The following MED12L variants were observed in gnomAD, a reference collection of about 807,000 sequenced individuals.
MED12L encodes mediator of RNA polymerase II transcription subunit 12-like protein.
A neutral mutation model predicts 281.3 loss-of-function variants in MED12L; 60 were observed. That is an observed-to-expected ratio of 0.21 (90% CI 0.17 to 0.26). MED12L has a LOEUF of 0.26. Among genes scored for constraint, MED12L ranks in the 10% least tolerant of loss-of-function variants. The pLI is 1.00. For synonymous variants in MED12L, 974 were observed against 987.2 expected (o/e 0.99, Z 0.25); for missense variants, 2,146 against 2,680.9 (o/e 0.80, Z 4.41).
chr3:151,264,988 CCTCTTTGTCT>C (rs1331492630), intron 16 of MED12L, among the ~76,000 whole-genome samples: 2 of 152,188 alleles, frequency 1.3e-5, no homozygotes, highest in South Asian at 2.1e-4. Flanking sequence ...GCTCTTTCTC[CCTCTTTGTCT>C]CCCTTATTTC....
chr3:151,156,834 C>A (rs187029334), intron 6 of MED12L, among the ~76,000 whole-genome samples: 1 of 152,088 alleles, frequency 6.6e-6, no homozygotes, highest in East Asian at 1.9e-4. Context: ...CAGAAGAGGG[C>A]GTTTGGGCTC....
At chr3:151,309,415 C>G (rs1747185500) in intron 16 of MED12L, among the ~76,000 whole-genome samples, 1 of 152,200 alleles carries the variant, frequency 6.6e-6, no homozygotes, top group South Asian at 2.1e-4. Flanking sequence ...ACAGTCTTCA[C>G]TGGCTTACTG....
In MED12L at chr3:151,086,963, C is replaced by A. The variant is rs1202983673; in HGVS notation, c.37C>A (p.Pro13Thr). 1 of 1,609,956 alleles carries A rather than the reference C, an allele frequency of 6.2e-7. No homozygotes were observed. The highest frequency in any genetic ancestry group is 8.5e-7 in the Non-Finnish European group (1 of 1,178,816). Reference sequence around the variant, plus strand: ...CGGGCTTCTCAGCTATGAGCAGAGACCGCTGAAGCGCCCCCGGCTCGGGCC... The same window carrying A: ...CGGGCTTCTCAGCTATGAGCAGAGAACGCTGAAGCGCCCCCGGCTCGGGCC... ...AFGLLSYEQR[P>T]LKRPRLGPPD... Residue 13 changes from proline (P) to threonine (T), a missense_variant, in exon 2 of 45, where the codon CCG (proline) becomes ACG (threonine). Pro to Thr is a conservative substitution (Grantham distance 38). Coordinates refer to ENST00000687756, the MANE Select transcript of MED12L (RefSeq NM_001393769.1).
chr3:151,383,673 C>G, intron 33 of MED12L, 106 bp from the exon 34 acceptor site: 1 of 667,302 alleles, frequency 1.5e-6, no homozygotes, highest in Non-Finnish European at 2.6e-6. Context: ...CTAGAGCATC[C>G]CTTGTTTTTT....
At position 151,314,041 on chromosome 3, in the gene MED12L, G is replaced by A. The variant is rs547112400; in HGVS notation, c.2251-36018G>A. ...GATAGAAGGACAGTTTGTGCCATACGGATCCTATCTAGTACATTAGAAAAG... is the reference window on the plus strand; with the variant it reads ...GATAGAAGGACAGTTTGTGCCATACAGATCCTATCTAGTACATTAGAAAAG... On this transcript the variant is annotated intron_variant, in intron 16 of 44. Transcript: ENST00000687756. Among the ~76,000 whole-genome samples, 63 of 152,122 alleles carry A rather than the reference G, an allele frequency of 4.1e-4. No individual in the cohort carries two copies. In the South Asian group the frequency reaches 0.013, roughly 31 times the overall value.
At chr3:151,291,030 ATC>A (rs1744183651) in intron 16 of MED12L, among the ~76,000 whole-genome samples, 1 of 151,884 alleles carries the variant, frequency 6.6e-6, no homozygotes, top group Non-Finnish European at 1.5e-5. Context: ...TGAGCACAGT[ATC>A]TTTTTATATG....
chr3:151,306,744 C>T (rs780763521), intron 16 of MED12L, among the ~76,000 whole-genome samples: 1 of 152,222 alleles, frequency 6.6e-6, no homozygotes, highest in Non-Finnish European at 1.5e-5. Flanking sequence ...CTTTAACTCT[C>T]CCTGGGCTTC....
intron 16 of MED12L, among the ~76,000 whole-genome samples, chr3:151,303,247 AC>A (rs1210866532): frequency 7.9e-5 from 12 of 152,104 alleles, no homozygotes; most frequent in Non-Finnish European, 1.6e-4. Context: ...CTGATGTAGG[AC>A]CCATGAAAGG....
chr3:151,243,240 C>T (rs1383858083), intron 16 of MED12L, among the ~76,000 whole-genome samples: 2 of 151,768 alleles, frequency 1.3e-5, no homozygotes, highest in East Asian at 1.9e-4. Flanking sequence ...GGCAGGCCAA[C>T]GTTCAGATTC....
chr3:151,339,497 C>G (rs1320541229), intron 16 of MED12L, among the ~76,000 whole-genome samples: 1 of 151,418 alleles, frequency 6.6e-6, no homozygotes, highest in South Asian at 2.1e-4. Context: ...ATATTGCTCA[C>G]TCATTCAAAG....
rs1241293660 is a variant in MED12L, at chr3:151,432,988, G to C, written c.*184G>C. 1 of 534,504 alleles carries C rather than the reference G, an allele frequency of 1.9e-6. No homozygotes were observed. Among genetic ancestry groups the C allele is most frequent in the African/African-American group, 1.9e-5 (1 of 51,900 alleles). 33.1% of individuals were successfully genotyped at this position (534,504 alleles called of 1,614,324 possible). ...AACAAAAAGCCAAGGAGAAGTTGTGGTTTGATTTTGTTGAATTCACCTTTA... is the reference window on the plus strand; with the variant it reads ...AACAAAAAGCCAAGGAGAAGTTGTGCTTTGATTTTGTTGAATTCACCTTTA... On this transcript the variant is annotated 3_prime_UTR_variant, in exon 45 of 45. Transcript: ENST00000687756.
At chr3:151,113,084 A>G (rs149767568) in intron 2 of MED12L, among the ~76,000 whole-genome samples, 7 of 152,338 alleles carry the variant, frequency 4.6e-5, no homozygotes, top group Non-Finnish European at 1.0e-4. Context: ...GATAAATGCT[A>G]TGGATTGTTG....
intron 8 of MED12L, among the ~76,000 whole-genome samples, chr3:151,160,941 A>G (rs890682179): frequency 6.6e-6 from 1 of 152,218 alleles, no homozygotes; most frequent in Admixed American, 6.5e-5. Flanking sequence ...GTTTCCTGGC[A>G]GGGGAAACAC....
intron 39 of MED12L, among the ~76,000 whole-genome samples, chr3:151,407,992 A>G (rs574318250): frequency 1.3e-5 from 2 of 152,346 alleles, no homozygotes; most frequent in African/African-American, 4.8e-5. Flanking sequence ...TTAAGAGGCT[A>G]TATGTCCTTA....
intron 16 of MED12L, among the ~76,000 whole-genome samples, chr3:151,251,474 C>G (rs1029347121): frequency 1.3e-5 from 2 of 152,128 alleles, no homozygotes; most frequent in Non-Finnish European, 2.9e-5. Context: ...CAATCTGCCT[C>G]CCACCCACAG....
chr3:151,348,651 C>T (rs1752864062), intron 16 of MED12L, among the ~76,000 whole-genome samples: 1 of 151,116 alleles, frequency 6.6e-6, no homozygotes, highest in South Asian at 2.1e-4. Context: ...GATAGATTGG[C>T]AGGGCATATA....
intron 17 of MED12L, among the ~76,000 whole-genome samples, chr3:151,353,706 G>A (rs1408653217): frequency 6.6e-6 from 1 of 152,188 alleles, no homozygotes; most frequent in Non-Finnish European, 1.5e-5. Context: ...ATATTTTTGA[G>A]TTCAGTGAAA....
Position 151,118,057 on chromosome 3 carries a change from C to T in MED12L, c.204+1615C>T, listed in dbSNP as rs567936076. 1.8e-3 allele frequency among the ~76,000 whole-genome samples: 263 copies of T among 147,296 alleles called. 1 individual carries two copies. The highest frequency in any genetic ancestry group is 3.2e-3 in the Non-Finnish European group (214 of 67,516). On this transcript the variant is annotated intron_variant, in intron 3 of 44. Transcript: ENST00000687756. Reference sequence around the variant, plus strand: ...AGTGAGCCGAGATTGCGCCGCTGCACTCCAGCCTGGGTGACAAAGCTAGAC... The same window carrying T: ...AGTGAGCCGAGATTGCGCCGCTGCATTCCAGCCTGGGTGACAAAGCTAGAC...
At chr3:151,274,803 G>T (rs1741575596) in intron 16 of MED12L, among the ~76,000 whole-genome samples, 1 of 152,184 alleles carries the variant, frequency 6.6e-6, no homozygotes, top group Non-Finnish European at 1.5e-5. Flanking sequence ...GGATATGTCT[G>T]TTAGAATGTA....
Sources: allele counts gnomAD v4.1 joint callset (sites outside exome capture counted in the v4.1 genomes callset), GRCh38; gene constraint gnomAD v4.1.1; transcripts MANE v1.5; gene names NCBI Gene and HGNC (gene_info 2026-07-23, HGNC 2026-07-21).